RALYL: variants seen among roughly 807,000 people sequenced by gnomAD.
RALYL encodes the protein RALY RNA binding protein like.
Under a neutral mutation model 35.1 loss-of-function variants are expected in RALYL, and 29 were observed. The observed-to-expected ratio is 0.83, with a 90% CI of 0.61 to 1.13. The LOEUF (loss-of-function observed/expected upper bound fraction) is 1.13. Ranked by LOEUF, RALYL falls within the 50% of genes most tolerant of loss-of-function variation. The pLI is 0.00. For missense variants in RALYL, 359 were observed against 360.4 expected, an observed-to-expected ratio of 1.00 and a Z score of 0.03; for synonymous variants, 120 against 127.6, an observed-to-expected ratio of 0.94 and a Z score of 0.40.
chr8:84,353,771 A>G (rs549308057), intron 1 of RALYL, among the ~76,000 whole-genome samples: 4 of 150,464 alleles, frequency 2.7e-5, no homozygotes, highest in Admixed American at 6.6e-5. Flanking sequence ...TTCTCTGAGC[A>G]GGGTTAATAG....
chr8:84,761,327 A>G (rs564675466), intron 2 of RALYL, among the ~76,000 whole-genome samples: 1 of 152,170 alleles, frequency 6.6e-6, no homozygotes, highest in South Asian at 2.1e-4. Context: ...ACTGACCAGG[A>G]TATGATACAT....
chr8:84,803,496 C>T (rs1823855052), intron 3 of RALYL, among the ~76,000 whole-genome samples: 1 of 152,132 alleles, frequency 6.6e-6, no homozygotes, highest in Admixed American at 6.5e-5. Context: ...AATGTACCTA[C>T]AGTTAGAGAT....
chr8:84,681,627 T>C (rs1051304897), intron 2 of RALYL, among the ~76,000 whole-genome samples: 1 of 152,202 alleles, frequency 6.6e-6, no homozygotes, highest in Admixed American at 6.5e-5. Flanking sequence ...AGTTCACTCA[T>C]GATTTGACTC....
chr8:84,599,808 C>T (rs566136486), intron 2 of RALYL, among the ~76,000 whole-genome samples: 239 of 151,992 alleles, frequency 1.6e-3, no homozygotes, highest in Non-Finnish European at 2.3e-3. Flanking sequence ...TTTAGCTATA[C>T]ACTTTTTAGA....
At chr8:84,471,586 GA>G (rs1459051814) in intron 1 of RALYL, among the ~76,000 whole-genome samples, 3 of 152,058 alleles carry the variant, frequency 2.0e-5, no homozygotes, top group African/African-American at 7.2e-5. Context: ...GCAACAACAA[GA>G]AGACTGGTTT....
At chr8:84,196,251 T>C (rs1248053789) in intron 1 of RALYL, among the ~76,000 whole-genome samples, 2 of 152,012 alleles carry the variant, frequency 1.3e-5, no homozygotes, top group Middle Eastern at 3.2e-3. Context: ...TGGACAGTGG[T>C]ACAACTTAAA....
intron 1 of RALYL, among the ~76,000 whole-genome samples, chr8:84,301,307 T>TA (rs1040747897): frequency 4.5e-4 from 69 of 152,044 alleles, no homozygotes; most frequent in Non-Finnish European, 5.4e-4. Flanking sequence ...CTAGCTGCCT[T>TA]AAAAAAAATT....
intron 6 of RALYL, among the ~76,000 whole-genome samples, chr8:84,863,125 T>G (rs1019893470): frequency 2.0e-5 from 3 of 152,192 alleles, no homozygotes; most frequent in African/African-American, 7.2e-5. Context: ...TTTCCCATAT[T>G]CCTTGAGATT....
rs140896846 is a variant in RALYL, at chr8:84,632,294, A to G, written c.256+102717A>G. 4.2e-3 allele frequency among the ~76,000 whole-genome samples: 640 copies of G among 152,084 alleles called. 3 individuals carry two copies. Among genetic ancestry groups the G allele is most frequent in the African/African-American group, 0.015 (606 of 41,516 alleles). ...GTTTATAAGCTACCCAGTTGAGAGTATTTTGCTGTAGCAGCCCAAATGAAC... is the reference window on the plus strand; with the variant it reads ...GTTTATAAGCTACCCAGTTGAGAGTGTTTTGCTGTAGCAGCCCAAATGAAC... On this transcript the variant is annotated intron_variant, in intron 2 of 8. Transcript: ENST00000521268.
intron 2 of RALYL, among the ~76,000 whole-genome samples, chr8:84,576,220 A>G (rs1809392146): frequency 6.6e-6 from 1 of 152,214 alleles, no homozygotes; most frequent in Non-Finnish European, 1.5e-5. Flanking sequence ...TATTCATTTC[A>G]TATACTGTGA....
At position 84,655,749 on chromosome 8, in the gene RALYL, A is replaced by C. The variant is rs184713569; in HGVS notation, c.257-118830A>C. On this transcript the variant is annotated intron_variant, in intron 2 of 8. Coordinates refer to ENST00000521268, the MANE Select transcript of RALYL (RefSeq NM_173848.7). ...GTGTTTGGGGTCTTTTTACTGAAATATATACCACAGTGTCTGCCATACTGT... is the reference window on the plus strand; with the variant it reads ...GTGTTTGGGGTCTTTTTACTGAAATCTATACCACAGTGTCTGCCATACTGT... 8.0e-3 allele frequency among the ~76,000 whole-genome samples: 1,211 copies of C among 152,242 alleles called. 15 individuals are homozygous for C. The highest frequency in any genetic ancestry group is 0.027 in the African/African-American group (1,121 of 41,544).
intron 2 of RALYL, among the ~76,000 whole-genome samples, chr8:84,583,006 T>C: frequency 6.6e-6 from 1 of 152,128 alleles, no homozygotes; most frequent in Non-Finnish European, 1.5e-5. Flanking sequence ...ATTTCCTGAC[T>C]CCATCTATCT....
chr8:84,605,706 C>T (rs1816966665), intron 2 of RALYL, among the ~76,000 whole-genome samples: 1 of 152,076 alleles, frequency 6.6e-6, no homozygotes, highest in African/African-American at 2.4e-5. Flanking sequence ...CTGTAAATCC[C>T]CAAATGTACT....
At chr8:84,371,303 G>T (rs1855630980) in intron 1 of RALYL, among the ~76,000 whole-genome samples, 1 of 151,904 alleles carries the variant, frequency 6.6e-6, no homozygotes, top group Non-Finnish European at 1.5e-5. Context: ...ATCCGAGGAA[G>T]ATTTTAAAAG....
chr8:84,920,669 G>T (rs1849178958), intron 8 of RALYL, among the ~76,000 whole-genome samples: 1 of 150,696 alleles, frequency 6.6e-6, no homozygotes. Flanking sequence ...TAAATTAGCT[G>T]GATTAAAAAA....
chr8:84,799,736 C>T (rs539092597), intron 3 of RALYL, among the ~76,000 whole-genome samples: 3 of 152,338 alleles, frequency 2.0e-5, no homozygotes, highest in African/African-American at 7.2e-5. Context: ...GCAGGCGGAT[C>T]ACGAGGTCAG....
At chr8:84,185,506 G>A (rs1016266027) in intron 1 of RALYL, among the ~76,000 whole-genome samples, 2 of 152,080 alleles carry the variant, frequency 1.3e-5, no homozygotes, top group Admixed American at 6.5e-5. Context: ...GCAATAAAAA[G>A]CCTTTTCTGT....
intron 1 of RALYL, among the ~76,000 whole-genome samples, chr8:84,266,816 C>T (rs1833394309): frequency 2.0e-5 from 3 of 151,754 alleles, no homozygotes; most frequent in Admixed American, 6.6e-5. Flanking sequence ...AAAAATTAGC[C>T]GGGCGTGGTA....
chr8:84,890,454 A>G (rs1286507084), intron 8 of RALYL, among the ~76,000 whole-genome samples: 2 of 152,210 alleles, frequency 1.3e-5, no homozygotes, highest in Non-Finnish European at 2.9e-5. Context: ...TAAAAAACAT[A>G]TAAAGATTGG....
Sources: gnomAD v4.1 joint callset for allele counts (sites outside exome capture counted in the v4.1 genomes callset) on GRCh38, gnomAD v4.1.1 for gene constraint, MANE v1.5 for transcripts, NCBI Gene and HGNC (gene_info 2026-07-23, HGNC 2026-07-21) for gene names.